Variants in ZBED5 observed in about 807,000 individuals in gnomAD.
The protein encoded by ZBED5 is zinc finger BED-type containing 5.
A neutral mutation model predicts 49.2 loss-of-function variants in ZBED5; 29 were observed. That is an observed-to-expected ratio of 0.59 (90% CI 0.44 to 0.80). ZBED5 has a LOEUF of 0.80. ZBED5 is among the 30% of genes least tolerant of loss of function. The probability of loss-of-function intolerance (pLI) is 0.00; values close to 1 mark genes in which losing one functional copy is unlikely to be tolerated. For missense variants in ZBED5, 775 were observed against 812.9 expected (o/e 0.95, Z 0.57); for synonymous variants, 281 against 292.5 (o/e 0.96, Z 0.40).
rs1006746745 is a variant in ZBED5 at position 10,855,813 on chromosome 11, T to C, written c.-142+331A>G. 7 of 152,052 alleles carry C rather than the reference T, an allele frequency of 4.6e-5. No individual in the cohort carries two copies. The highest frequency in any genetic ancestry group is 1.0e-4 in the Non-Finnish European group (7 of 67,994). The allele number at this position is 152,052 out of a possible 1,614,324, so 9.4% of individuals were successfully genotyped here. A position where few individuals can be genotyped will look rare whatever the true frequency, so the allele number is the denominator to read the frequency against. On this transcript the variant is annotated intron_variant, in intron 2 of 2. Transcript: ENST00000413761. This position sits in a 1 kb window ranked among gnomAD's most constrained non-coding sequence, Gnocchi z 4.1. ...TTATATTATCCAAATTAAGACTCAATGAAAGTAATGTATATTTTTACAGAT... is the reference window on the plus strand; with the variant it reads ...TTATATTATCCAAATTAAGACTCAACGAAAGTAATGTATATTTTTACAGAT...
Position 10,854,651 on chromosome 11 carries a change from T to G in ZBED5, c.295A>C (p.Ile99Leu). 6.4e-7 allele frequency: 1 copy of G among 1,551,298 alleles called. No homozygotes were observed. Among genetic ancestry groups the G allele is most frequent in the South Asian group, 1.2e-5 (1 of 84,034 alleles). Residue 99 changes from isoleucine (I) to leucine (L), a missense_variant, in exon 3 of 3, where the codon ATA (isoleucine) becomes CTA (leucine). Physicochemically the swap from Ile to Leu is conservative, Grantham distance 5. Transcript: ENST00000413761. The surrounding 1 kb of genome is among the most constrained non-coding windows in gnomAD (Gnocchi z 5.0). ...CTTTTTGGTTTTTTACTAAATGTTA[T>G]TTTGTTGGAATTGGATATAAATTTG... ...RVKFISNSNK[I>L]TFSKKPKRRK... is the part of the protein sequence containing the mutation.
In ZBED5 at chr11:10,855,501, G is replaced by C. The variant is rs1848168413; in HGVS notation, c.-141-415C>G. ...CTTTACGTACAAAACCAGACAGCAT[G>C]GGCCATAATTTATCAGCCCTGTCTC... On this transcript the variant is annotated intron_variant, in intron 2 of 2. Transcript: ENST00000413761. The surrounding 1 kb of genome is among the most constrained non-coding windows in gnomAD (Gnocchi z 4.1). 6.6e-6 allele frequency among the ~76,000 whole-genome samples: 1 copy of C among 152,102 alleles called. No homozygotes were observed. The highest frequency in any genetic ancestry group is 1.5e-5 in the Non-Finnish European group (1 of 68,014).
rs1314180614 is a variant in ZBED5 at position 10,852,849 on chromosome 11, C to G, written c.*15G>C. 2 of 1,505,436 alleles carry G rather than the reference C, an allele frequency of 1.3e-6. No homozygotes were observed. Among genetic ancestry groups the G allele is most frequent in the Non-Finnish European group, 1.8e-6 (2 of 1,117,386 alleles). 93.3% of individuals were successfully genotyped at this position (1,505,436 alleles called of 1,614,324 possible). ...TTACATTTGGTTATCATGAGACATG[C>G]AAACTCCTCCAATTTTAATGAGAAC... On this transcript the variant is annotated 3_prime_UTR_variant, in exon 3 of 3. Transcript: ENST00000413761.
chr11:10,853,531 A>C lies in ZBED5; in HGVS notation c.1415T>G (p.Leu472Arg), dbSNP rs1298443995. The change falls in exon 3 of 3, where the codon CTA becomes CGA. Residue 472 changes from leucine to arginine, a missense_variant. Coordinates refer to ENST00000413761, the MANE Select transcript of ZBED5 (RefSeq NM_001143667.2). The surrounding 1 kb of genome is among the most constrained non-coding windows in gnomAD (Gnocchi z 5.4). ...AATATCTGCAAGATATGCAAGTCTT[A>C]GCAGCCAAGATGAATTTGTTAAACA... Reference protein sequence around the residue: ...SDCLTNSSWLLRLAYLADIFT... With the variant: ...SDCLTNSSWLRRLAYLADIFT... 3 of 1,550,418 alleles carry C rather than the reference A, an allele frequency of 1.9e-6. No individual in the cohort carries two copies. The South Asian group carries it at 3.6e-5, about 18-fold the overall frequency.
In ZBED5 at chr11:10,854,959, T is replaced by C; in HGVS notation, c.-14A>G. ...AGGAGCAATCATCAAAGAGATGATA[T>C]ACAGCAACACATCAGTTAATTTGTA... On this transcript the variant is annotated 5_prime_UTR_variant, in exon 3 of 3. Transcript: ENST00000413761. The surrounding 1 kb of genome is among the most constrained non-coding windows in gnomAD (Gnocchi z 5.0). 1 of 1,542,584 alleles carries C rather than the reference T, an allele frequency of 6.5e-7. No homozygotes were observed. The highest frequency in any genetic ancestry group is 8.8e-7 in the Non-Finnish European group (1 of 1,141,352).
Position 10,853,177 on chromosome 11 carries a change from C to T in ZBED5, c.1769G>A (p.Arg590Gln), listed in dbSNP as rs987962236. ...VTVKPASLVARDYESLIDLTS... is the reference protein window; with the variant it reads ...VTVKPASLVAQDYESLIDLTS... ...TAAATCAATCAGGCTCTCATAGTCC[C>T]GTGCTACTAATGAAGCTGGTTTAAC... is the stretch of plus-strand genomic sequence containing the variant. The change falls in exon 3 of 3, where the codon CGG (arginine) becomes CAG (glutamine). Residue 590 changes from arginine to glutamine, a missense_variant. Arg to Gln is a conservative substitution (Grantham distance 43). Coordinates refer to ENST00000413761, the MANE Select transcript of ZBED5 (RefSeq NM_001143667.2). This position sits in a 1 kb window ranked among gnomAD's most constrained non-coding sequence, Gnocchi z 5.4. 4.3e-5 allele frequency: 67 copies of T among 1,551,498 alleles called. No individual in the cohort carries two copies. In the Admixed American group the frequency reaches 1.1e-3, roughly 25 times the overall value.
At position 10,854,751 on chromosome 11, in the gene ZBED5, A is replaced by T; in HGVS notation, c.195T>A (p.Val65=). 6.4e-7 allele frequency: 1 copy of T among 1,551,888 alleles called. No homozygotes were observed. The highest frequency in any genetic ancestry group is 8.7e-7 in the Non-Finnish European group (1 of 1,146,986). The change falls in exon 3 of 3, where the codon GTT becomes GTA. Residue 65 remains valine, a synonymous_variant. Transcript: ENST00000413761. The surrounding 1 kb of genome is among the most constrained non-coding windows in gnomAD (Gnocchi z 5.0). ...QIVSESNDQK[V]GILQSEDKQL... is the part of the protein sequence containing the mutation. ...GCTTATCTTCACTTTGTAATATTCC[A>T]ACCTTCTGATCATTTGATTCAGACA...
In ZBED5 at chr11:10,854,510, G is replaced by A. The variant is rs1848154043; in HGVS notation, c.436C>T (p.Pro146Ser). 1.3e-6 allele frequency: 2 copies of A among 1,551,408 alleles called. No individual in the cohort carries two copies. Among genetic ancestry groups the A allele is most frequent in the Non-Finnish European group, 1.7e-6 (2 of 1,146,896 alleles). ...TCCAAATGTCTTCGAAGCTTACTAGGGGCTAAAGAGCTATTTGATAAAATT... is the reference window on the plus strand; with the variant it reads ...TCCAAATGTCTTCGAAGCTTACTAGAGGCTAAAGAGCTATTTGATAAAATT... Reference protein sequence around the residue: ...KKILSNSSLAPSKLRRHLETK... With the variant: ...KKILSNSSLASSKLRRHLETK... The change falls in exon 3 of 3, where the codon CCT (proline) becomes TCT (serine). Residue 146 changes from proline to serine, a missense_variant. Physicochemically the swap from Pro to Ser is moderately conservative, Grantham distance 74. Transcript: ENST00000413761. The surrounding 1 kb of genome is among the most constrained non-coding windows in gnomAD (Gnocchi z 5.0).
In ZBED5 at chr11:10,854,044, A is replaced by G. The variant is rs567662409; in HGVS notation, c.902T>C (p.Ile301Thr). Residue 301 changes from isoleucine (I) to threonine (T), a missense_variant, in exon 3 of 3, where the codon ATT (isoleucine) becomes ACT (threonine). By Grantham distance (89) the Ile-to-Thr change is moderately conservative. Coordinates refer to ENST00000413761, the MANE Select transcript of ZBED5 (RefSeq NM_001143667.2). The surrounding 1 kb of genome is among the most constrained non-coding windows in gnomAD (Gnocchi z 5.0). ...VFVRYRFNKS[I>T]EEDLLLCESL... ...TTCACACAGGAGTAGGTCTTCCTCA[A>G]TAGACTTATTAAACCTATAACGAAC... The G allele has an allele frequency of 8.4e-6, 13 of 1,551,452 alleles. No homozygotes were observed. The highest frequency in any genetic ancestry group is 6.8e-5 in the African/African-American group (5 of 73,092).
rs992879076 is a variant in ZBED5, at chr11:10,857,208, G to A, written c.-256+654C>T. ...AGGAAGCTTTTGTTTTCAGAAAGAA[G>A]GTCCTCAACCCCACCTCTTCGAAGG... is the stretch of plus-strand genomic sequence containing the variant. On this transcript the variant is annotated intron_variant, in intron 1 of 2. Coordinates refer to ENST00000413761, the MANE Select transcript of ZBED5 (RefSeq NM_001143667.2). The surrounding 1 kb of genome is among the most constrained non-coding windows in gnomAD (Gnocchi z 6.3). 6.6e-6 allele frequency: 1 copy of A among 152,176 alleles called. No homozygotes were observed. The highest frequency in any genetic ancestry group is 1.5e-5 in the Non-Finnish European group (1 of 68,040). 9.4% of individuals were successfully genotyped at this position (152,176 alleles called of 1,614,324 possible).
Position 10,855,020 on chromosome 11 carries a change from C to A in ZBED5, c.-75G>T. On this transcript the variant is annotated 5_prime_UTR_variant, in exon 3 of 3. An upstream start codon of the reference 5' UTR is lost. Coordinates refer to ENST00000413761, the MANE Select transcript of ZBED5 (RefSeq NM_001143667.2). This position sits in a 1 kb window ranked among gnomAD's most constrained non-coding sequence, Gnocchi z 4.1. ...ATTCATCAATGCGCAGATGGAACAT[C>A]ATACGTTCATGTATCAGGTGATCTC... The A allele has an allele frequency of 3.4e-6, 5 of 1,484,022 alleles. No individual in the cohort carries two copies. In the South Asian group the frequency reaches 5.5e-5, roughly 16 times the overall value. 91.9% of individuals were successfully genotyped at this position (1,484,022 alleles called of 1,614,324 possible).
At position 10,853,330 on chromosome 11, in the gene ZBED5, G is replaced by T. The variant is rs546190220; in HGVS notation, c.1616C>A (p.Ser539Tyr). 1.0e-5 allele frequency: 16 copies of T among 1,551,600 alleles called. No homozygotes were observed. In the East Asian group the frequency reaches 3.7e-4, roughly 36 times the overall value. ...ACTGCAAATATCTTTATCAACTGTA[G>T]AATTAATTTCAGTCAAAAAATCACT... is the stretch of plus-strand genomic sequence containing the variant. ...TLSDFLTEINSTVDKDICSAI... is the reference protein window; with the variant it reads ...TLSDFLTEINYTVDKDICSAI... Residue 539 changes from serine to tyrosine, a missense_variant, in exon 3 of 3, where the codon TCT (serine) becomes TAT (tyrosine). Coordinates refer to ENST00000413761, the MANE Select transcript of ZBED5 (RefSeq NM_001143667.2). The surrounding 1 kb of genome is among the most constrained non-coding windows in gnomAD (Gnocchi z 5.4).
chr11:10,854,296 A>T lies in ZBED5; in HGVS notation c.650T>A (p.Leu217His), dbSNP rs1383086530. Residue 217 changes from leucine to histidine, a missense_variant, in exon 3 of 3, where the codon CTT becomes CAT. Leu to His is a moderately conservative substitution (Grantham distance 99). Coordinates refer to ENST00000413761, the MANE Select transcript of ZBED5 (RefSeq NM_001143667.2). The surrounding 1 kb of genome is among the most constrained non-coding windows in gnomAD (Gnocchi z 5.0). The stretch of plus-strand genomic sequence containing the variant: ...TACATCTTTTGCACAAGGTTTGATA[A>T]GCAATTCTCCAATAGTATGAGCCTC... ...SGEAHTIGEL[L>H]IKPCAKDVVM... 5.2e-6 allele frequency: 8 copies of T among 1,550,858 alleles called. No individual in the cohort carries two copies. The highest frequency in any genetic ancestry group is 7.0e-6 in the Non-Finnish European group (8 of 1,146,914).
rs774219978 is a variant in ZBED5, at chr11:10,853,057, C to T, written c.1889G>A (p.Arg630His). 9.7e-5 allele frequency: 151 copies of T among 1,551,438 alleles called. No individual in the cohort carries two copies. The highest frequency in any genetic ancestry group is 1.2e-4 in the Non-Finnish European group (136 of 1,146,878). ...LIQEYPSIAR[R>H]AVRVLLPFAT... ...AAAAGGAAGAAGTACACGCACTGCACGCCTTGCAATGCTTGGGTATTCCTG... is the reference window on the plus strand; with the variant it reads ...AAAAGGAAGAAGTACACGCACTGCATGCCTTGCAATGCTTGGGTATTCCTG... The change falls in exon 3 of 3, where the codon CGT (arginine) becomes CAT (histidine). Residue 630 changes from arginine to histidine, a missense_variant. By Grantham distance (29) the Arg-to-His change is conservative (BLOSUM62 0). Transcript: ENST00000413761. This position sits in a 1 kb window ranked among gnomAD's most constrained non-coding sequence, Gnocchi z 5.4.
In ZBED5 at chr11:10,853,322, C is replaced by G. The variant is rs1564997716; in HGVS notation, c.1624G>C (p.Asp542His). The G allele has an allele frequency of 4.5e-6, 7 of 1,551,632 alleles. No individual in the cohort carries two copies. Among genetic ancestry groups the G allele is most frequent in the Non-Finnish European group, 6.1e-6 (7 of 1,146,954 alleles). ...ACAATGGCACTGCAAATATCTTTAT[C>G]AACTGTAGAATTAATTTCAGTCAAA... ...DFLTEINSTV[D>H]KDICSAIVQH... is the part of the protein sequence containing the mutation. Residue 542 changes from aspartate to histidine, a missense_variant, in exon 3 of 3, where the codon GAT (aspartate) becomes CAT (histidine). Coordinates refer to ENST00000413761, the MANE Select transcript of ZBED5 (RefSeq NM_001143667.2). This position sits in a 1 kb window ranked among gnomAD's most constrained non-coding sequence, Gnocchi z 5.4.
In ZBED5 at chr11:10,853,088, G is replaced by C; in HGVS notation, c.1858C>G (p.Leu620Val). ...GCAATGCTTGGGTATTCCTGAATTA[G>C]GCTACTCCAAAAATCATTTAGTGAA... ...ELSLNDFWSS[L>V]IQEYPSIARR... Residue 620 changes from leucine (L) to valine (V), a missense_variant, in exon 3 of 3, where the codon CTA (leucine) becomes GTA (valine). By Grantham distance (32) the Leu-to-Val change is conservative (BLOSUM62 1). Coordinates refer to ENST00000413761, the MANE Select transcript of ZBED5 (RefSeq NM_001143667.2). This position sits in a 1 kb window ranked among gnomAD's most constrained non-coding sequence, Gnocchi z 5.4. 1 of 1,551,560 alleles carries C rather than the reference G, an allele frequency of 6.4e-7. No individual in the cohort carries two copies.
rs755031671 is a variant in ZBED5 at position 10,853,500 on chromosome 11, A to G, written c.1446T>C (p.Thr482=). Residue 482 remains threonine (T), a synonymous_variant, in exon 3 of 3, where the codon ACT becomes ACC. Coordinates refer to ENST00000413761, the MANE Select transcript of ZBED5 (RefSeq NM_001143667.2). The surrounding 1 kb of genome is among the most constrained non-coding windows in gnomAD (Gnocchi z 5.4). ...LRLAYLADIF[T]KLNEVNLSMQ... is the part of the protein sequence containing the mutation. Reference sequence around the variant, plus strand: ...TTGACAAATTAACTTCATTTAATTTAGTAAAAATATCTGCAAGATATGCAA... The same window carrying G: ...TTGACAAATTAACTTCATTTAATTTGGTAAAAATATCTGCAAGATATGCAA... 1 of 1,550,852 alleles carries G rather than the reference A, an allele frequency of 6.4e-7. No individual in the cohort carries two copies. The highest frequency in any genetic ancestry group is 1.4e-5 in the African/African-American group (1 of 73,028).
At position 10,853,022 on chromosome 11, in the gene ZBED5, G is replaced by A; in HGVS notation, c.1924C>T (p.His642Tyr). ...VRVLLPFATM[H>Y]LCETGFSYYA... ...TATGAAAACCCCGTTTCACACAGGT[G>A]CATTGTAGCAAAAGGAAGAAGTACA... Residue 642 changes from histidine (H) to tyrosine (Y), a missense_variant, in exon 3 of 3, where the codon CAC becomes TAC. By Grantham distance (83) the His-to-Tyr change is moderately conservative. Coordinates refer to ENST00000413761, the MANE Select transcript of ZBED5 (RefSeq NM_001143667.2). The surrounding 1 kb of genome is among the most constrained non-coding windows in gnomAD (Gnocchi z 5.4). 1.9e-6 allele frequency: 3 copies of A among 1,551,640 alleles called. No individual in the cohort carries two copies. The highest frequency in any genetic ancestry group is 2.6e-6 in the Non-Finnish European group (3 of 1,146,954).
Position 10,853,889 on chromosome 11 carries a change from T to G in ZBED5, c.1057A>C (p.Ile353Leu), listed in dbSNP as rs755731603. The G allele has an allele frequency of 5.2e-6, 8 of 1,551,630 alleles. No homozygotes were observed. The highest frequency in any genetic ancestry group is 7.0e-6 in the Non-Finnish European group (8 of 1,146,946). The change falls in exon 3 of 3, where the codon ATT becomes CTT. Residue 353 changes from isoleucine to leucine, a missense_variant. Transcript: ENST00000413761. This position sits in a 1 kb window ranked among gnomAD's most constrained non-coding sequence, Gnocchi z 5.4. Reference protein sequence around the residue: ...SDASRAVDGKIAEAVTLIKYV... With the variant: ...SDASRAVDGKLAEAVTLIKYV... Reference sequence around the variant, plus strand: ...TTTATTAAGGTGACAGCTTCGGCAATTTTCCCATCCACTGCCCTAGAAGCA... The same window carrying G: ...TTTATTAAGGTGACAGCTTCGGCAAGTTTCCCATCCACTGCCCTAGAAGCA...
Sources: allele counts gnomAD v4.1 joint callset (sites outside exome capture counted in the v4.1 genomes callset), GRCh38; gene constraint gnomAD v4.1.1; non-coding constraint Gnocchi (gnomAD v3.1); transcripts MANE v1.5; gene names NCBI Gene and HGNC (gene_info 2026-07-23, HGNC 2026-07-21).